The following FOXO3 variants were observed in gnomAD, a reference collection of about 807,000 sequenced individuals.
The protein encoded by FOXO3 is forkhead box protein O3.
FOXO3 carries 4 observed loss-of-function variants against 41.9 expected under a neutral mutation model. The ratio of observed to expected loss-of-function variants is 0.10; its 90% CI spans 0.05 to 0.22. FOXO3 has a LOEUF of 0.22. Ranked by LOEUF, FOXO3 falls within the 10% of genes least tolerant of loss-of-function variation. The pLI is 1.00. For synonymous variants in FOXO3, 318 were observed against 389.3 expected, an observed-to-expected ratio of 0.82 and a Z score of 2.16; for missense variants, 534 against 906.8, an observed-to-expected ratio of 0.59 and a Z score of 5.28.
At chr6:108,675,545 T>G (rs3800228) in intron 2 of FOXO3, among the ~76,000 whole-genome samples, 82,993 of 152,080 alleles carry the variant, frequency 0.55, 26,652 homozygotes, top group East Asian at 0.71. Flanking sequence ...CAGATTGCAT[T>G]AATATCAATT....
chr6:108,630,266 A>G (rs1777927631), intron 1 of FOXO3, among the ~76,000 whole-genome samples: 1 of 152,160 alleles, frequency 6.6e-6, no homozygotes, highest in South Asian at 2.1e-4. Flanking sequence ...GAAACAGGGA[A>G]GAGCAGGCCG....
At chr6:108,638,259 C>T (rs544374827) in intron 1 of FOXO3, among the ~76,000 whole-genome samples, 12 of 152,360 alleles carry the variant, frequency 7.9e-5, no homozygotes, top group African/African-American at 2.9e-4. Flanking sequence ...CCTGAGGGCC[C>T]TGGACCTTGT....
intron 1 of FOXO3, among the ~76,000 whole-genome samples, chr6:108,599,821 T>C (rs1302825778): frequency 6.6e-6 from 1 of 152,186 alleles, no homozygotes; most frequent in Non-Finnish European, 1.5e-5. Context: ...CTTCCTCCCA[T>C]CCCACTTACT....
chr6:108,590,831 G>A (rs747257141), intron 1 of FOXO3, among the ~76,000 whole-genome samples: 7 of 152,198 alleles, frequency 4.6e-5, no homozygotes, highest in Non-Finnish European at 1.0e-4. Context: ...TCTCATTTTA[G>A]TATTGGGATT....
At chr6:108,672,755 CTCTT>C (rs1209925466) in intron 2 of FOXO3, among the ~76,000 whole-genome samples, 1 of 152,138 alleles carries the variant, frequency 6.6e-6, no homozygotes, top group Non-Finnish European at 1.5e-5. Context: ...CTCTCTCATC[CTCTT>C]TCTTCTTCTT....
At chr6:108,594,148 T>G (rs1010982515) in intron 1 of FOXO3, among the ~76,000 whole-genome samples, 2 of 152,226 alleles carry the variant, frequency 1.3e-5, no homozygotes, top group African/African-American at 4.8e-5. Flanking sequence ...TTCCTGTTTC[T>G]TGTTTTTCCC....
chr6:108,604,292 A>G (rs1174966845), intron 1 of FOXO3, among the ~76,000 whole-genome samples: 2 of 152,220 alleles, frequency 1.3e-5, no homozygotes, highest in Non-Finnish European at 2.9e-5. Flanking sequence ...GACAGTACGC[A>G]CTGTTAATAC....
intron 1 of FOXO3, among the ~76,000 whole-genome samples, chr6:108,639,146 C>G (rs1200283635): frequency 1.3e-5 from 2 of 152,180 alleles, no homozygotes; most frequent in Non-Finnish European, 2.9e-5. Context: ...AGGCCTGGCA[C>G]CAGTTTGCTT....
intron 1 of FOXO3, among the ~76,000 whole-genome samples, chr6:108,566,772 A>G (rs1183839937): frequency 6.6e-6 from 1 of 152,136 alleles, no homozygotes; most frequent in Non-Finnish European, 1.5e-5. Context: ...CTGCATCACA[A>G]ATTGAGGGGT....
chr6:108,573,881 C>T (rs1307843537), intron 1 of FOXO3, among the ~76,000 whole-genome samples: 15 of 152,100 alleles, frequency 9.9e-5, no homozygotes, highest in Non-Finnish European at 2.1e-4. Context: ...TGGCCGGGCG[C>T]GGCGGCTCAC....
rs1677332664 is a variant in FOXO3, at chr6:108,561,708, C to T, written c.500C>T (p.Thr167Ile). ...WGNLSYADLITRAIESSPDKR... is the reference protein window; with the variant it reads ...WGNLSYADLIIRAIESSPDKR... ...AACCTGTCCTACGCGGACCTGATCA[C>T]CCGCGCCATCGAGAGCTCCCCGGAC... Residue 167 changes from threonine (T) to isoleucine (I), a missense_variant, in exon 1 of 3, where the codon ACC becomes ATC. Around this residue, in one of 8 missense-constraint regions of FOXO3, gnomAD observed 77 missense variants for 193.2 expected, o/e 0.40. Transcript: ENST00000406360. 1 of 1,612,240 alleles carries T rather than the reference C, an allele frequency of 6.2e-7. No individual in the cohort carries two copies.
At chr6:108,670,823 A>G (rs890898818) in intron 2 of FOXO3, among the ~76,000 whole-genome samples, 1 of 152,182 alleles carries the variant, frequency 6.6e-6, no homozygotes, top group South Asian at 2.1e-4. Flanking sequence ...ACCTTGTCAT[A>G]TATCTAGTGT....
At chr6:108,575,435 A>G (rs1776237416) in intron 1 of FOXO3, among the ~76,000 whole-genome samples, 1 of 151,920 alleles carries the variant, frequency 6.6e-6, no homozygotes, top group Admixed American at 6.6e-5. Flanking sequence ...TTCTTCTGAT[A>G]CTGTGATGGT....
At chr6:108,660,416 A>G (rs571629353) in intron 1 of FOXO3, among the ~76,000 whole-genome samples, 45 of 152,232 alleles carry the variant, frequency 3.0e-4, no homozygotes, top group Non-Finnish European at 5.7e-4. Flanking sequence ...CATGTTGCTT[A>G]TGTTCTTCTC....
rs1388665618 is a variant in FOXO3 at position 108,684,528 on chromosome 6, A to G, written c.*4736A>G. 6 of 152,626 alleles carry G rather than the reference A, an allele frequency of 3.9e-5. No individual in the cohort carries two copies. The highest frequency in any genetic ancestry group is 1.4e-4 in the African/African-American group (6 of 41,452). The allele number at this position is 152,626 out of a possible 1,614,324, so 9.5% of individuals were successfully genotyped here. Reference sequence around the variant, plus strand: ...TCCTTCTTTCAATGCGAACACTATCATATGGCATTCTTACTGAGGATTTTG... The same window carrying G: ...TCCTTCTTTCAATGCGAACACTATCGTATGGCATTCTTACTGAGGATTTTG... On this transcript the variant is annotated 3_prime_UTR_variant, in exon 3 of 3. Coordinates refer to ENST00000406360, the MANE Select transcript of FOXO3 (RefSeq NM_001455.4).
intron 1 of FOXO3, among the ~76,000 whole-genome samples, chr6:108,597,941 T>A (rs1018648150): frequency 6.6e-6 from 1 of 152,236 alleles, no homozygotes; most frequent in African/African-American, 2.4e-5. Context: ...AATTAGCGAT[T>A]CTTTTCCCTC....
At chr6:108,597,816 G>A (rs1475059655) in intron 1 of FOXO3, among the ~76,000 whole-genome samples, 1 of 152,176 alleles carries the variant, frequency 6.6e-6, no homozygotes, top group Non-Finnish European at 1.5e-5. Context: ...CCTCTAATTT[G>A]TAATAAGCAC....
intron 2 of FOXO3, 47 bp downstream of exon 2, chr6:108,664,936 G>T: frequency 2.0e-6 from 3 of 1,532,362 alleles, no homozygotes; most frequent in Non-Finnish European, 2.6e-6. Context: ...TGGGGATGAG[G>T]GGGGATCTCT....
At chr6:108,586,471 A>G (rs953488718) in intron 1 of FOXO3, among the ~76,000 whole-genome samples, 4 of 152,016 alleles carry the variant, frequency 2.6e-5, no homozygotes, top group Non-Finnish European at 2.9e-5. Context: ...TGATGTATCT[A>G]TGTTCATCTA....
Sources: allele counts gnomAD v4.1 joint callset (sites outside exome capture counted in the v4.1 genomes callset), GRCh38; gene constraint gnomAD v4.1.1; regional missense constraint gnomAD v4.1.1; transcripts MANE v1.5; gene names NCBI Gene and HGNC (gene_info 2026-07-23, HGNC 2026-07-21).